SMARCA2: variants seen among roughly 807,000 people sequenced by gnomAD.
SMARCA2 encodes SWI/SNF-related matrix-associated actin-dependent regulator of chromatin subfamily A member 2.
In SMARCA2, 61 loss-of-function variants were observed where a neutral mutation model predicts 199.8. That is an observed-to-expected ratio of 0.31 (90% CI 0.25 to 0.38). SMARCA2 has a LOEUF of 0.38. Ranked by LOEUF, SMARCA2 falls within the 10% of genes least tolerant of loss-of-function variation. The pLI is 1.00. For missense variants in SMARCA2, 1,344 were observed against 2,012.2 expected (o/e 0.67, Z 6.35); for synonymous variants, 935 against 732.0 (o/e 1.28, Z -4.48).
intron 29 of SMARCA2, among the ~76,000 whole-genome samples, chr9:2,176,109 G>A (rs1035876317): frequency 6.6e-6 from 1 of 150,752 alleles, no homozygotes; most frequent in African/African-American, 2.5e-5. Flanking sequence ...TTGAACTCCT[G>A]ACCTCAGGTG....
At chr9:2,117,215 A>G (rs961754536) in intron 25 of SMARCA2, among the ~76,000 whole-genome samples, 11 of 152,144 alleles carry the variant, frequency 7.2e-5, no homozygotes, top group African/African-American at 2.7e-4. Flanking sequence ...AATGAATCTA[A>G]ATGTGAAGTA....
chr9:2,179,050 C>G (rs1826826195), intron 29 of SMARCA2, among the ~76,000 whole-genome samples: 1 of 152,076 alleles, frequency 6.6e-6, no homozygotes, highest in Admixed American at 6.5e-5. Flanking sequence ...GTTCTTGGTC[C>G]TGGAGGGATA....
chr9:2,182,429 A>G (rs1827101897), intron 31 of SMARCA2, among the ~76,000 whole-genome samples, 187 bp downstream of exon 31: 1 of 147,126 alleles, frequency 6.8e-6, no homozygotes, highest in Admixed American at 6.8e-5. Context: ...TTACCTTTGT[A>G]CCACAGCTGT....
chr9:2,130,178 G>C (rs1563789120), intron 27 of SMARCA2, among the ~76,000 whole-genome samples: 2 of 152,138 alleles, frequency 1.3e-5, no homozygotes, highest in East Asian at 3.9e-4. Context: ...TTATATAATA[G>C]GTAGTAATAT....
At chr9:2,102,527 G>A (rs944399004) in intron 22 of SMARCA2, among the ~76,000 whole-genome samples, 2 of 152,176 alleles carry the variant, frequency 1.3e-5, no homozygotes, top group Non-Finnish European at 2.9e-5. Flanking sequence ...TAGATTACAT[G>A]TGCACTGGCA....
chr9:2,131,577 G>A (rs912919411), intron 27 of SMARCA2, among the ~76,000 whole-genome samples: 1 of 152,178 alleles, frequency 6.6e-6, no homozygotes, highest in African/African-American at 2.4e-5. Context: ...CCAGGTGACA[G>A]CCTGAGCTTC....
chr9:2,046,853 T>C (rs1436090381), intron 4 of SMARCA2, among the ~76,000 whole-genome samples: 1 of 152,198 alleles, frequency 6.6e-6, no homozygotes, highest in Non-Finnish European at 1.5e-5. Flanking sequence ...AGAAACCCAT[T>C]GCAGAGCTAC....
chr9:2,173,184 G>A (rs969082282), intron 29 of SMARCA2, among the ~76,000 whole-genome samples: 1 of 152,164 alleles, frequency 6.6e-6, no homozygotes, highest in Non-Finnish European at 1.5e-5. Flanking sequence ...GAAGGCACTT[G>A]TATGTATGTG....
intron 26 of SMARCA2, among the ~76,000 whole-genome samples, chr9:2,122,881 T>C (rs1302457502): frequency 6.6e-6 from 1 of 152,168 alleles, no homozygotes; most frequent in African/African-American, 2.4e-5. Flanking sequence ...ATCCATCGTA[T>C]TGTTTAGTTA....
intron 27 of SMARCA2, chr9:2,159,748 G>T: frequency 6.5e-7 from 1 of 1,541,252 alleles, no homozygotes; most frequent in South Asian, 1.2e-5. Flanking sequence ...TAAATTTTCA[G>T]TAAAATAAAA....
At chr9:2,066,291 A>C (rs1304266789) in intron 9 of SMARCA2, among the ~76,000 whole-genome samples, 1 of 152,260 alleles carries the variant, frequency 6.6e-6, no homozygotes, top group African/African-American at 2.4e-5. Context: ...ATGTTAAAGT[A>C]ATCTAAATAA....
intron 27 of SMARCA2, among the ~76,000 whole-genome samples, chr9:2,128,242 A>G (rs1823784474): frequency 1.3e-5 from 2 of 152,194 alleles, no homozygotes; most frequent in South Asian, 4.2e-4. Context: ...ATCTCAGCAT[A>G]TAGCTGCTGG....
chr9:2,169,245 C>T lies in SMARCA2; in HGVS notation c.4200-1174C>T, dbSNP rs1043198315. The stretch of plus-strand genomic sequence containing the variant: ...GCAAGCTGCAGGGTGGACTGCGTGC[C>T]CTGCCTCCAGTCTCTTCCTGTCCTG... On this transcript the variant is annotated intron_variant, in intron 28 of 33. Coordinates refer to ENST00000349721, the MANE Select transcript of SMARCA2 (RefSeq NM_003070.5). The surrounding 1 kb of genome is among the most constrained non-coding windows in gnomAD (Gnocchi z 6.5). Among the ~76,000 whole-genome samples, 3 of 152,150 alleles carry T rather than the reference C, an allele frequency of 2.0e-5. No individual in the cohort carries two copies. Among genetic ancestry groups the T allele is most frequent in the African/African-American group, 4.8e-5 (2 of 41,428 alleles).
chr9:2,095,574 C>CT (rs1380990739), intron 19 of SMARCA2, among the ~76,000 whole-genome samples: 1 of 152,134 alleles, frequency 6.6e-6, no homozygotes, highest in African/African-American at 2.4e-5. Context: ...CACTTCTCAC[C>CT]TTTTCTGTAA....
intron 14 of SMARCA2, chr9:2,079,990 C>T (rs1821496206): frequency 6.6e-6 from 1 of 152,256 alleles, no homozygotes; most frequent in Non-Finnish European, 1.5e-5. Context: ...CAGTGTCTCT[C>T]TGGATTTATA....
chr9:2,171,381 C>T (rs1157941300), intron 29 of SMARCA2, among the ~76,000 whole-genome samples: 2 of 152,124 alleles, frequency 1.3e-5, no homozygotes, highest in African/African-American at 4.8e-5. Flanking sequence ...GAGGATGTAT[C>T]GTGTATTTCA....
chr9:2,171,955 G>T (rs901666506), intron 29 of SMARCA2, among the ~76,000 whole-genome samples: 1 of 152,112 alleles, frequency 6.6e-6, no homozygotes, highest in Non-Finnish European at 1.5e-5. Context: ...ATGACATGAC[G>T]GTATATGGTT....
At chr9:2,177,731 T>C (rs1455072425) in intron 29 of SMARCA2, among the ~76,000 whole-genome samples, 2 of 152,118 alleles carry the variant, frequency 1.3e-5, no homozygotes, top group Non-Finnish European at 2.9e-5. Flanking sequence ...TTTGTATTTT[T>C]AGTAGAGAGG....
At chr9:2,096,876 T>A in intron 20 of SMARCA2, 112 bp downstream of exon 20, 1 of 721,022 alleles carries the variant, frequency 1.4e-6, no homozygotes, top group Non-Finnish European at 2.5e-6. Context: ...TTAAAGTAAA[T>A]CACTGGACCT....
Sources: gnomAD v4.1 joint callset for allele counts (sites outside exome capture counted in the v4.1 genomes callset) on GRCh38, gnomAD v4.1.1 for gene constraint, Gnocchi (gnomAD v3.1) non-coding constraint, MANE v1.5 for transcripts, NCBI Gene and HGNC (gene_info 2026-07-23, HGNC 2026-07-21) for gene names.